TBC1D9B: variants seen among roughly 807,000 people sequenced by gnomAD.
TBC1D9B encodes TBC1 domain family, member 9B (with GRAM domain).
TBC1D9B carries 87 observed loss-of-function variants against 121.1 expected under a neutral mutation model. The ratio of observed to expected loss-of-function variants is 0.72; its 90% CI spans 0.60 to 0.86. The LOEUF (loss-of-function observed/expected upper bound fraction) is 0.86. TBC1D9B is among the 40% of genes least tolerant of loss of function. The pLI is 0.00. For synonymous variants in TBC1D9B, 668 were observed against 670.1 expected (o/e 1.00, Z 0.05); for missense variants, 1,540 against 1,628.6 (o/e 0.95, Z 0.94).
At position 179,885,553 on chromosome 5, in the gene TBC1D9B, C is replaced by T. The variant is rs1409424399; in HGVS notation, c.1254+2550G>A. On this transcript the variant is annotated intron_variant, in intron 7 of 20. Coordinates refer to ENST00000355235, the MANE Select transcript of TBC1D9B (RefSeq NM_015043.4). This position sits in a 1 kb window ranked among gnomAD's most constrained non-coding sequence, Gnocchi z 4.5. ...GCAGTGAGCCAAGACTGCCCCACTG[C>T]ACTCCAGCCTAGGTGACAGAGCAAG... is the stretch of plus-strand genomic sequence containing the variant. 6.6e-6 allele frequency among the ~76,000 whole-genome samples: 1 copy of T among 151,724 alleles called. No individual in the cohort carries two copies. The highest frequency in any genetic ancestry group is 1.5e-5 in the Non-Finnish European group (1 of 67,990).
In TBC1D9B at chr5:179,863,302, A is replaced by G; in HGVS notation, c.*146T>C. 1.1e-6 allele frequency: 1 copy of G among 949,218 alleles called. No individual in the cohort carries two copies. Among genetic ancestry groups the G allele is most frequent in the Non-Finnish European group, 1.5e-6 (1 of 647,118 alleles). 58.8% of individuals were successfully genotyped at this position (949,218 alleles called of 1,614,324 possible). A position where few individuals can be genotyped will look rare whatever the true frequency, so the allele number is the denominator to read the frequency against. The stretch of plus-strand genomic sequence containing the variant: ...TGTCTAAGGCAGCTGGGTCTGCACC[A>G]GCCTTCTTTCCACTCACAACTCACT... On this transcript the variant is annotated 3_prime_UTR_variant, in exon 21 of 21. Coordinates refer to ENST00000355235, the MANE Select transcript of TBC1D9B (RefSeq NM_015043.4). This position sits in a 1 kb window ranked among gnomAD's most constrained non-coding sequence, Gnocchi z 4.5.
At position 179,902,577 on chromosome 5, in the gene TBC1D9B, C is replaced by G. The variant is rs1471963332; in HGVS notation, c.229+2125G>C. ...CACGGGGCTACGTACATGGGCTCCGCTGCGTGGCTGTGGCTGGGCCCCTCC... is the reference window on the plus strand; with the variant it reads ...CACGGGGCTACGTACATGGGCTCCGGTGCGTGGCTGTGGCTGGGCCCCTCC... On this transcript the variant is annotated intron_variant, in intron 2 of 20. Coordinates refer to ENST00000355235, the MANE Select transcript of TBC1D9B (RefSeq NM_015043.4). The surrounding 1 kb of genome is among the most constrained non-coding windows in gnomAD (Gnocchi z 4.9). Among the ~76,000 whole-genome samples the G allele has an allele frequency of 6.6e-6, 1 of 152,162 alleles. No homozygotes were observed. Among genetic ancestry groups the G allele is most frequent in the African/African-American group, 2.4e-5 (1 of 41,438 alleles).
intron 10 of TBC1D9B, among the ~76,000 whole-genome samples, chr5:179,876,495 G>A (rs1002578717): frequency 5.9e-5 from 9 of 152,164 alleles, no homozygotes; most frequent in African/African-American, 1.4e-4. Context: ...CCACCCACTC[G>A]GTGCACAACT....
chr5:179,888,327 G>A lies in TBC1D9B; in HGVS notation c.1045-15C>T, dbSNP rs1760754304. 1 of 1,611,592 alleles carries A rather than the reference G, an allele frequency of 6.2e-7. No individual in the cohort carries two copies. The highest frequency in any genetic ancestry group is 8.5e-7 in the Non-Finnish European group (1 of 1,179,194). On this transcript the variant is annotated splice_polypyrimidine_tract_variant and intron_variant, in intron 6 of 20. Transcript: ENST00000355235. ...ACAATGGTCACCTGAGAAGGTGAAA[G>A]AACTCTTTTGGGTGTCTGCATCTCA...
At chr5:179,876,259 A>C (rs763980886) in intron 10 of TBC1D9B, among the ~76,000 whole-genome samples, 7 of 152,200 alleles carry the variant, frequency 4.6e-5, no homozygotes, top group Non-Finnish European at 1.0e-4. Context: ...CGGTAATGAG[A>C]AACTGCCCCT....
intron 7 of TBC1D9B, among the ~76,000 whole-genome samples, chr5:179,883,207 T>G (rs1029386821): frequency 8.5e-5 from 13 of 152,232 alleles, no homozygotes; most frequent in Non-Finnish European, 5.9e-5. Flanking sequence ...TGAGATTTTA[T>G]GTCAATATCG....
At chr5:179,866,121 G>A (rs928937739) in intron 18 of TBC1D9B, 23 of 525,436 alleles carry the variant, frequency 4.4e-5, no homozygotes, top group South Asian at 1.2e-4. Flanking sequence ...AATAAAGGCC[G>A]CCAAACCCTC....
chr5:179,877,093 A>T (rs1332492947), intron 10 of TBC1D9B, among the ~76,000 whole-genome samples: 1 of 150,668 alleles, frequency 6.6e-6, no homozygotes, highest in Non-Finnish European at 1.5e-5. Flanking sequence ...AAAAAAAAAA[A>T]AAGCCCAGGA....
chr5:179,900,469 C>T (rs1761135946), intron 2 of TBC1D9B, among the ~76,000 whole-genome samples: 1 of 152,098 alleles, frequency 6.6e-6, no homozygotes, highest in Admixed American at 6.5e-5. Context: ...GAGGCCCACC[C>T]ACCAGGCATG....
chr5:179,893,925 G>T (rs1406715720), intron 4 of TBC1D9B, among the ~76,000 whole-genome samples: 1 of 152,164 alleles, frequency 6.6e-6, no homozygotes, highest in Non-Finnish European at 1.5e-5. Flanking sequence ...GAGGCAAGGA[G>T]GGAGGAGGGC....
intron 3 of TBC1D9B, among the ~76,000 whole-genome samples, chr5:179,896,458 A>C (rs1761019988): frequency 6.6e-6 from 1 of 152,164 alleles, no homozygotes; most frequent in Non-Finnish European, 1.5e-5. Flanking sequence ...CACTAAGTTG[A>C]TGGTAATTTG....
chr5:179,868,022 T>C, intron 17 of TBC1D9B, 173 bp from the exon 18 acceptor site: 1 of 487,934 alleles, frequency 2.0e-6, no homozygotes, highest in Non-Finnish European at 3.4e-6. Context: ...TGATTGGTTC[T>C]GGTTATTTGT....
At chr5:179,868,014 A>T in intron 17 of TBC1D9B, 165 bp from the exon 18 acceptor site, 1 of 491,326 alleles carries the variant, frequency 2.0e-6, no homozygotes, top group Non-Finnish European at 3.4e-6. Context: ...GATGGTGATG[A>T]TTGGTTCTGG....
At chr5:179,871,589 C>A (rs900490439) in intron 14 of TBC1D9B, 59 bp from the exon 15 acceptor site, 1 of 1,572,650 alleles carries the variant, frequency 6.4e-7, no homozygotes, top group Non-Finnish European at 8.7e-7. Flanking sequence ...CACAGAAGTA[C>A]GGCACTCTGT....
rs1380702733 is a variant in TBC1D9B at position 179,873,076 on chromosome 5, C to A, written c.2316+43G>T. On this transcript the variant is annotated intron_variant, in intron 13 of 20. Transcript: ENST00000355235. ...CCCATAGCCACCCCAACCCACATGC[C>A]AGATGGAGCGGCCTGGCCAAAATGG... 2.5e-6 allele frequency: 4 copies of A among 1,612,114 alleles called. No homozygotes were observed. The East Asian group carries it at 8.9e-5, about 36-fold the overall frequency.
At position 179,907,617 on chromosome 5, in the gene TBC1D9B, G is replaced by C. The variant is rs1429712039; in HGVS notation, c.118+87C>G. 2.6e-5 allele frequency: 19 copies of C among 739,638 alleles called. No homozygotes were observed. The South Asian group carries it at 9.9e-4, about 38-fold the overall frequency. The allele number at this position is 739,638 out of a possible 1,614,324, so 45.8% of individuals were successfully genotyped here. On this transcript the variant is annotated intron_variant, in intron 1 of 20. Transcript: ENST00000355235. This position sits in a 1 kb window ranked among gnomAD's most constrained non-coding sequence, Gnocchi z 5.3. ...GCCGCGACGCGCCGAGGCCGGGCCG[G>C]AACCGGACCCGCCCGCCGCCCGCCG...
In TBC1D9B at chr5:179,893,279, C is replaced by T. The variant is rs767089909; in HGVS notation, c.766G>A (p.Glu256Lys). 1.5e-5 allele frequency: 24 copies of T among 1,613,776 alleles called. No homozygotes were observed. The highest frequency in any genetic ancestry group is 6.7e-5 in the East Asian group (3 of 44,896). Residue 256 changes from glutamate to lysine, a missense_variant, in exon 5 of 21, where the codon GAG (glutamate) becomes AAG (lysine). By Grantham distance (56) the Glu-to-Lys change is moderately conservative. Coordinates refer to ENST00000355235, the MANE Select transcript of TBC1D9B (RefSeq NM_015043.4). ...NLAMRQLLDS[E>K]GFLEDKALPR... ...AGGGCCTTGTCCTCCAGGAAGCCCT[C>T]GCTGTCCAGCAGCTGCCGCATGGCC...
At chr5:179,870,124 A>G (rs1173028046) in intron 16 of TBC1D9B, 131 bp downstream of exon 16, 4 of 1,459,114 alleles carry the variant, frequency 2.7e-6, no homozygotes, top group Non-Finnish European at 3.7e-6. Context: ...TTCTTCCCGT[A>G]TCTAGGGCCA....
Position 179,865,957 on chromosome 5 carries a change from C to T in TBC1D9B, c.2864-69G>A, listed in dbSNP as rs1402776794. The T allele has an allele frequency of 1.3e-6, 2 of 1,584,560 alleles. No homozygotes were observed. Among genetic ancestry groups the T allele is most frequent in the African/African-American group, 2.7e-5 (2 of 74,330 alleles). On this transcript the variant is annotated intron_variant, in intron 18 of 20. Coordinates refer to ENST00000355235, the MANE Select transcript of TBC1D9B (RefSeq NM_015043.4). This position sits in a 1 kb window ranked among gnomAD's most constrained non-coding sequence, Gnocchi z 5.1. Reference sequence around the variant, plus strand: ...TGTTGGGACTGCAAGCTCCTGGGGTCCTTGAGATGTAGTCTGTGTTTCTGT... The same window carrying T: ...TGTTGGGACTGCAAGCTCCTGGGGTTCTTGAGATGTAGTCTGTGTTTCTGT...
Sources: allele counts gnomAD v4.1 joint callset (sites outside exome capture counted in the v4.1 genomes callset), GRCh38; gene constraint gnomAD v4.1.1; non-coding constraint Gnocchi (gnomAD v3.1); transcripts MANE v1.5; gene names NCBI Gene and HGNC (gene_info 2026-07-23, HGNC 2026-07-21).